Variants in NKAIN3 observed in about 807,000 individuals in gnomAD.
The protein encoded by NKAIN3 is sodium/potassium-transporting ATPase subunit beta-1-interacting protein 3.
Under a neutral mutation model 30.2 loss-of-function variants are expected in NKAIN3, and 25 were observed. The observed-to-expected ratio is 0.83, with a 90% CI of 0.60 to 1.16. NKAIN3 has a LOEUF of 1.16. NKAIN3 is among the 50% of genes most tolerant of loss of function. The probability of loss-of-function intolerance (pLI) is 0.00; values close to 1 mark genes in which losing one functional copy is unlikely to be tolerated. For synonymous variants in NKAIN3, 91 were observed against 89.6 expected (o/e 1.02, Z -0.09); for missense variants, 225 against 254.1 (o/e 0.89, Z 0.78).
intron 1 of NKAIN3, among the ~76,000 whole-genome samples, chr8:62,303,144 A>G (rs1349268897): frequency 6.6e-6 from 1 of 150,554 alleles, no homozygotes; most frequent in African/African-American, 2.5e-5. Context: ...CAGTTGATTT[A>G]CTGTGTTTTT....
At chr8:62,452,660 CAAAAT>C (rs1000466483) in intron 1 of NKAIN3, among the ~76,000 whole-genome samples, 22 of 152,120 alleles carry the variant, frequency 1.4e-4, no homozygotes, top group African/African-American at 5.3e-4. Flanking sequence ...TGAGGAAAAA[CAAAAT>C]AAAAGAGTCT....
chr8:62,509,866 C>T (rs771796002), intron 1 of NKAIN3, among the ~76,000 whole-genome samples: 4 of 152,084 alleles, frequency 2.6e-5, no homozygotes, highest in Non-Finnish European at 4.4e-5. Flanking sequence ...GCAAAGCATT[C>T]TATTAGGTGC....
intron 3 of NKAIN3, among the ~76,000 whole-genome samples, chr8:62,641,109 G>A (rs77352531): frequency 0.038 from 5,829 of 151,770 alleles, 172 homozygotes; most frequent in African/African-American, 0.083. Context: ...TGGTTCTTGG[G>A]TTCATGGATT....
intron 1 of NKAIN3, among the ~76,000 whole-genome samples, chr8:62,254,955 G>C (rs961078920): frequency 6.6e-6 from 1 of 152,186 alleles, no homozygotes; most frequent in East Asian, 1.9e-4. Flanking sequence ...ATGAACAATT[G>C]AGTAAATAGC....
intron 3 of NKAIN3, among the ~76,000 whole-genome samples, 170 bp from the exon 4 acceptor site, chr8:62,746,762 T>C (rs1816084057): frequency 6.6e-6 from 1 of 152,250 alleles, no homozygotes; most frequent in Non-Finnish European, 1.5e-5. Flanking sequence ...CCCAATAGTT[T>C]AGGCATATAA....
intron 3 of NKAIN3, among the ~76,000 whole-genome samples, chr8:62,639,786 AGAAGT>A (rs1665919685): frequency 6.6e-6 from 1 of 152,068 alleles, no homozygotes; most frequent in Non-Finnish European, 1.5e-5. Flanking sequence ...TTTAGTGATG[AGAAGT>A]GAAGTGGTTT....
At chr8:62,811,303 C>A (rs1351208175) in intron 4 of NKAIN3, among the ~76,000 whole-genome samples, 2 of 151,930 alleles carry the variant, frequency 1.3e-5, no homozygotes, top group Admixed American at 1.3e-4. Context: ...CAGTTTTGGG[C>A]CATTACAAAT....
intron 3 of NKAIN3, among the ~76,000 whole-genome samples, chr8:62,631,700 A>G (rs1487077584): frequency 6.6e-6 from 1 of 152,104 alleles, no homozygotes; most frequent in Non-Finnish European, 1.5e-5. Context: ...CTCCAGAACA[A>G]TCCTGCTCCC....
chr8:62,390,154 C>A (rs1246398559), intron 1 of NKAIN3, among the ~76,000 whole-genome samples: 1 of 152,038 alleles, frequency 6.6e-6, no homozygotes, highest in Non-Finnish European at 1.5e-5. Flanking sequence ...GGTTTTAGGT[C>A]TAGTACCCAT....
chr8:62,615,849 G>A (rs1442915616), intron 3 of NKAIN3, among the ~76,000 whole-genome samples: 2 of 152,154 alleles, frequency 1.3e-5, no homozygotes, highest in Non-Finnish European at 2.9e-5. Flanking sequence ...CAGGGATAGG[G>A]AAAGGGTGGC....
chr8:62,377,337 A>G (rs912304925), intron 1 of NKAIN3, among the ~76,000 whole-genome samples: 2 of 152,128 alleles, frequency 1.3e-5, no homozygotes, highest in Non-Finnish European at 2.9e-5. Context: ...AAATTCTCTT[A>G]TTTATTAAGA....
intron 1 of NKAIN3, among the ~76,000 whole-genome samples, chr8:62,390,593 G>C (rs62509223): frequency 0.14 from 21,049 of 152,124 alleles, 1,729 homozygotes; most frequent in East Asian, 0.4. Context: ...TGGTGTTTCT[G>C]CCTCTAGGTC....
chr8:62,274,080 G>A (rs892028512), intron 1 of NKAIN3, among the ~76,000 whole-genome samples: 1 of 152,118 alleles, frequency 6.6e-6, no homozygotes, highest in African/African-American at 2.4e-5. Flanking sequence ...CCTGGAATTC[G>A]TGGGTTTATT....
intron 4 of NKAIN3, among the ~76,000 whole-genome samples, chr8:62,849,812 C>T (rs1017696622): frequency 6.6e-6 from 1 of 151,984 alleles, no homozygotes; most frequent in African/African-American, 2.4e-5. Context: ...GCATAGTATT[C>T]CATGGTGTAT....
intron 3 of NKAIN3, among the ~76,000 whole-genome samples, chr8:62,728,727 A>G (rs1376554135): frequency 6.6e-6 from 1 of 151,994 alleles, no homozygotes; most frequent in Non-Finnish European, 1.5e-5. Flanking sequence ...GCAGTGGCTC[A>G]TGCCTGTAAT....
chr8:62,874,067 A>G (rs1820723924), intron 4 of NKAIN3, among the ~76,000 whole-genome samples: 1 of 152,130 alleles, frequency 6.6e-6, no homozygotes, highest in Admixed American at 6.5e-5. Context: ...GAAAAAAACT[A>G]ACAAAATAGA....
At chr8:62,903,438 C>T (rs1168054899) in intron 4 of NKAIN3, among the ~76,000 whole-genome samples, 1 of 152,134 alleles carries the variant, frequency 6.6e-6, no homozygotes, top group East Asian at 1.9e-4. Context: ...TCTCCTAAGA[C>T]TTCTTCCCCT....
intron 1 of NKAIN3, among the ~76,000 whole-genome samples, chr8:62,495,113 A>G (rs1807195010): frequency 6.6e-6 from 1 of 152,068 alleles, no homozygotes; most frequent in Admixed American, 6.6e-5. Flanking sequence ...ATCCATCTTC[A>G]TATCTAGCTG....
chr8:62,355,446 G>T (rs917403986), intron 1 of NKAIN3, among the ~76,000 whole-genome samples: 6 of 152,172 alleles, frequency 3.9e-5, no homozygotes, highest in African/African-American at 9.7e-5. Flanking sequence ...GCCTGGCATT[G>T]CTTAGGCTGA....
Sources: gnomAD v4.1 joint callset for allele counts (sites outside exome capture counted in the v4.1 genomes callset) on GRCh38, gnomAD v4.1.1 for gene constraint, MANE v1.5 for transcripts, NCBI Gene and HGNC (gene_info 2026-07-23, HGNC 2026-07-21) for gene names.